Variants in C10orf90 observed in about 807,000 individuals in gnomAD.
C10orf90 encodes (E2-independent) E3 ubiquitin-conjugating enzyme FATS.
In C10orf90, 56 loss-of-function variants were observed where a neutral mutation model predicts 62.5. The ratio of observed to expected loss-of-function variants is 0.90; its 90% CI spans 0.72 to 1.12. The LOEUF (loss-of-function observed/expected upper bound fraction) is 1.12. C10orf90 is among the 50% of genes most tolerant of loss of function. The probability of loss-of-function intolerance (pLI) is 0.00; values close to 1 mark genes in which losing one functional copy is unlikely to be tolerated. For synonymous variants in C10orf90, 386 were observed against 340.4 expected, an observed-to-expected ratio of 1.13 and a Z score of -1.47; for missense variants, 970 against 880.4, an observed-to-expected ratio of 1.10 and a Z score of -1.29.
chr10:126,575,775 C>T (rs1222042621), intron 2 of C10orf90, among the ~76,000 whole-genome samples: 2 of 152,056 alleles, frequency 1.3e-5, no homozygotes, highest in African/African-American at 2.4e-5. Flanking sequence ...AATTAATCTA[C>T]ATATCTTTAG....
At chr10:126,460,132 A>G (rs997420619) in intron 6 of C10orf90, among the ~76,000 whole-genome samples, 1 of 152,192 alleles carries the variant, frequency 6.6e-6, no homozygotes, top group African/African-American at 2.4e-5. Flanking sequence ...CCCAGCCTGA[A>G]GTACCACCCA....
Position 126,524,712 on chromosome 10 carries a change from C to T in C10orf90, c.314-10773G>A, listed in dbSNP as rs951631356. The T allele has an allele frequency of 1.0e-5, 10 of 985,810 alleles. No homozygotes were observed. In the South Asian group the frequency reaches 1.4e-4, roughly 14 times the overall value. The allele number at this position is 985,810 out of a possible 1,614,324, so 61.1% of individuals were successfully genotyped here. ...CTCCTCTGGGCTCATCTTCCTCATC[C>T]GCGAGGCAAGGAGTGCACGCACCTG... On this transcript the variant is annotated intron_variant, in intron 2 of 9. Transcript: ENST00000488181.
intron 4 of C10orf90, among the ~76,000 whole-genome samples, chr10:126,467,087 T>C (rs1193545523): frequency 2.0e-5 from 3 of 152,222 alleles, no homozygotes; most frequent in Non-Finnish European, 2.9e-5. Flanking sequence ...TTAATGTATT[T>C]ATTTATAGAT....
At chr10:126,554,003 T>C (rs1341327715) in intron 2 of C10orf90, among the ~76,000 whole-genome samples, 2 of 152,118 alleles carry the variant, frequency 1.3e-5, no homozygotes, top group Non-Finnish European at 2.9e-5. Flanking sequence ...GTAGCCATTC[T>C]ACTTCTAGAT....
intron 4 of C10orf90, among the ~76,000 whole-genome samples, chr10:126,483,760 C>G (rs377279869): frequency 1.3e-5 from 2 of 152,170 alleles, no homozygotes; most frequent in African/African-American, 2.4e-5. Flanking sequence ...CAGAGTGAGG[C>G]CTGAAATCTT....
intron 2 of C10orf90, among the ~76,000 whole-genome samples, chr10:126,526,075 G>A (rs1206129807): frequency 2.8e-5 from 4 of 142,458 alleles, no homozygotes; most frequent in Non-Finnish European, 6.1e-5. Context: ...AGAAGCAGAG[G>A]CAAAGAGGGG....
chr10:126,586,312 T>G (rs1160410626), intron 2 of C10orf90, among the ~76,000 whole-genome samples: 2 of 152,226 alleles, frequency 1.3e-5, no homozygotes, highest in African/African-American at 4.8e-5. Context: ...TGCCTCACGC[T>G]GGGGCTCCCC....
chr10:126,504,843 C>T lies in C10orf90; in HGVS notation c.648G>A (p.Glu216=). The T allele has an allele frequency of 6.2e-7, 1 of 1,608,744 alleles. No homozygotes were observed. Among genetic ancestry groups the T allele is most frequent in the Non-Finnish European group, 8.5e-7 (1 of 1,176,758 alleles). ...IPAPSDERGP[E]AELPPKEERP... is the part of the protein sequence containing the mutation. ...TCTCCTCTTTGGGCGGCAGCTCTGC[C>T]TCAGGTCCTCGCTCATCTGACGGTG... The change falls in exon 4 of 10, where the codon GAG becomes GAA. Residue 216 remains glutamate, a synonymous_variant. Transcript: ENST00000488181. The surrounding 1 kb of genome is among the most constrained non-coding windows in gnomAD (Gnocchi z 4.1).
intron 2 of C10orf90, among the ~76,000 whole-genome samples, chr10:126,598,977 C>T (rs1266465451): frequency 6.6e-6 from 1 of 152,096 alleles, no homozygotes; most frequent in Non-Finnish European, 1.5e-5. Flanking sequence ...TTCACATGTA[C>T]ATGTTGGCAA....
At chr10:126,458,322 C>T (rs950211805) in intron 7 of C10orf90, among the ~76,000 whole-genome samples, 2 of 152,192 alleles carry the variant, frequency 1.3e-5, no homozygotes, top group Admixed American at 1.3e-4. Flanking sequence ...AGGAATAAAA[C>T]TGGGGTTTCT....
intron 2 of C10orf90, among the ~76,000 whole-genome samples, chr10:126,615,652 G>A (rs1845525954): frequency 6.6e-6 from 1 of 151,778 alleles, no homozygotes; most frequent in Admixed American, 6.6e-5. Context: ...CTTTTTTTCA[G>A]TAGTTACGAC....
intron 2 of C10orf90, among the ~76,000 whole-genome samples, chr10:126,563,389 C>A (rs1864948009): frequency 6.6e-6 from 1 of 152,162 alleles, no homozygotes; most frequent in Non-Finnish European, 1.5e-5. Flanking sequence ...TTAGCTTGAT[C>A]AGGGTTTAAC....
chr10:126,425,840 T>C lies in C10orf90; in HGVS notation c.*24A>G. On this transcript the variant is annotated 3_prime_UTR_variant, in exon 10 of 10. Coordinates refer to ENST00000488181, the MANE Select transcript of C10orf90 (RefSeq NM_001350921.2). Reference sequence around the variant, plus strand: ...TCGAAGTCCTCCCAGGTCCAGGTAGTGTGGTCAGCAGGGCAGCCTGTGGTT... The same window carrying C: ...TCGAAGTCCTCCCAGGTCCAGGTAGCGTGGTCAGCAGGGCAGCCTGTGGTT... 6.2e-7 allele frequency: 1 copy of C among 1,611,792 alleles called. No homozygotes were observed. The highest frequency in any genetic ancestry group is 8.5e-7 in the Non-Finnish European group (1 of 1,179,134).
chr10:126,623,238 C>A (rs1845680924), intron 2 of C10orf90, among the ~76,000 whole-genome samples: 1 of 152,154 alleles, frequency 6.6e-6, no homozygotes, highest in East Asian at 1.9e-4. Flanking sequence ...GGCTACAGGA[C>A]ACCCCCATGA....
rs78267894 is a variant in C10orf90 at position 126,504,384 on chromosome 10, G to A, written c.1107C>T (p.Ser369=). 2.8e-5 allele frequency: 45 copies of A among 1,614,164 alleles called. No homozygotes were observed. In the East Asian group the frequency reaches 8.5e-4, roughly 30 times the overall value. ...CAATTTGAGGTGGCTCAATGGGGAC[G>A]GAGAGAGACTTGTCTACGTAATAGA... The part of the protein sequence containing the change: ...DSIYYVDKSL[S]VPIEPPQIAS... Residue 369 remains serine, a synonymous_variant, in exon 4 of 10, where the codon TCC becomes TCT. Transcript: ENST00000488181. This position sits in a 1 kb window ranked among gnomAD's most constrained non-coding sequence, Gnocchi z 4.1.
chr10:126,647,827 A>G (rs535268996), intron 1 of C10orf90, among the ~76,000 whole-genome samples: 1 of 152,284 alleles, frequency 6.6e-6, no homozygotes, highest in Admixed American at 6.5e-5. Flanking sequence ...TCCACTGTGA[A>G]AGCTCAGAAA....
chr10:126,464,423 G>C (rs1231146745), intron 5 of C10orf90, among the ~76,000 whole-genome samples: 1 of 152,182 alleles, frequency 6.6e-6, no homozygotes, highest in African/African-American at 2.4e-5. Flanking sequence ...AGAATCTGCT[G>C]TGCACCTGGG....
intron 2 of C10orf90, among the ~76,000 whole-genome samples, chr10:126,540,217 C>T (rs1332031524): frequency 1.3e-5 from 2 of 152,104 alleles, no homozygotes; most frequent in African/African-American, 4.8e-5. Context: ...AAAAGGAGAA[C>T]TTAATGAATG....
At chr10:126,638,130 G>T (rs890229752) in intron 2 of C10orf90, among the ~76,000 whole-genome samples, 1 of 152,158 alleles carries the variant, frequency 6.6e-6, no homozygotes, top group African/African-American at 2.4e-5. Context: ...GCGGGCTCTA[G>T]GTCGGGGTTC....
Sources: gnomAD v4.1 joint callset for allele counts (sites outside exome capture counted in the v4.1 genomes callset) on GRCh38, gnomAD v4.1.1 for gene constraint, Gnocchi (gnomAD v3.1) non-coding constraint, MANE v1.5 for transcripts, NCBI Gene and HGNC (gene_info 2026-07-23, HGNC 2026-07-21) for gene names.